Variants in NTRK2 observed in about 807,000 individuals in gnomAD.
NTRK2 encodes BDNF/NT-3 growth factors receptor.
In NTRK2, 13 loss-of-function variants were observed where a neutral mutation model predicts 94.5. The observed-to-expected ratio is 0.14, with a 90% CI of 0.09 to 0.22. The LOEUF (loss-of-function observed/expected upper bound fraction) is 0.22, where lower values mean the gene tolerates loss of function less well. Ranked by LOEUF, NTRK2 falls within the 10% of genes least tolerant of loss-of-function variation. NTRK2 has a pLI of 1.00. For missense variants in NTRK2, 639 were observed against 1,071.2 expected (o/e 0.60, Z 5.63); for synonymous variants, 372 against 407.4 (o/e 0.91, Z 1.05).
chr9:84,901,777 C>T (rs2076937052), intron 14 of NTRK2, among the ~76,000 whole-genome samples: 2 of 152,182 alleles, frequency 1.3e-5, no homozygotes, highest in Admixed American at 6.5e-5. Context: ...CTGGCTTCTT[C>T]TCCATGTATG....
rs1203135434 is a variant in NTRK2, at chr9:85,025,500, A to G, written c.*4063A>G. On this transcript the variant is annotated 3_prime_UTR_variant, in exon 19 of 19. Transcript: ENST00000277120. ...ACATCCTAGAGTGAATGCACCAACT[A>G]ACAGTATAGAATGCTGTCCTTTTCA... The G allele has an allele frequency of 1.7e-5, 4 of 233,150 alleles. No individual in the cohort carries two copies. The highest frequency in any genetic ancestry group is 2.5e-5 in the Non-Finnish European group (3 of 118,020). 14.4% of individuals were successfully genotyped at this position (233,150 alleles called of 1,614,324 possible). A position where few individuals can be genotyped will look rare whatever the true frequency, so the allele number is the denominator to read the frequency against.
At chr9:84,938,777 G>C (rs2078295702) in intron 15 of NTRK2, among the ~76,000 whole-genome samples, 3 of 152,122 alleles carry the variant, frequency 2.0e-5, no homozygotes, top group Non-Finnish European at 4.4e-5. Context: ...TGCACCAGGT[G>C]TGGTGGCTCA....
intron 16 of NTRK2, among the ~76,000 whole-genome samples, chr9:84,950,588 T>C (rs1036636920): frequency 4.1e-5 from 2 of 48,632 alleles, no homozygotes; most frequent in African/African-American, 1.2e-4. Context: ...CTGGGTCTAA[T>C]ATGTTTTTTT....
rs139657030 is a variant in NTRK2 at position 84,923,359 on chromosome 9, C to T, written c.1634-10803C>T. ...CACTGTTATCGCTGTTTACCACATT[C>T]TGATTGTGTTATTGTCATTGATATA... is the stretch of plus-strand genomic sequence containing the variant. On this transcript the variant is annotated intron_variant, in intron 14 of 18. Coordinates refer to ENST00000277120, the MANE Select transcript of NTRK2 (RefSeq NM_006180.6). 3.7e-3 allele frequency among the ~76,000 whole-genome samples: 571 copies of T among 152,312 alleles called. 4 individuals are homozygous for T. Among genetic ancestry groups the T allele is most frequent in the Admixed American group, 0.013 (198 of 15,304 alleles).
chr9:84,922,117 G>A (rs776088250), intron 14 of NTRK2, among the ~76,000 whole-genome samples: 6 of 152,122 alleles, frequency 3.9e-5, no homozygotes, highest in Non-Finnish European at 5.9e-5. Flanking sequence ...ATATTGGTTC[G>A]TTTTTGACCT....
chr9:84,988,711 C>A (rs1173242007), intron 17 of NTRK2, among the ~76,000 whole-genome samples: 1 of 152,190 alleles, frequency 6.6e-6, no homozygotes, highest in African/African-American at 2.4e-5. Context: ...TTATTTAGAT[C>A]AAGTGATGGC....
chr9:84,772,178 A>G (rs754787256), intron 12 of NTRK2, among the ~76,000 whole-genome samples: 16 of 152,322 alleles, frequency 1.1e-4, no homozygotes, highest in Non-Finnish European at 2.2e-4. Context: ...TTCATAAAGC[A>G]TACCTCAGAT....
intron 15 of NTRK2, among the ~76,000 whole-genome samples, chr9:84,947,969 G>A (rs555306458): frequency 1.3e-5 from 2 of 152,326 alleles, no homozygotes; most frequent in African/African-American, 4.8e-5. Context: ...CAGTGTTTGT[G>A]GGCACAGGCT....
intron 2 of NTRK2, among the ~76,000 whole-genome samples, chr9:84,701,322 T>C (rs1406145103): frequency 6.6e-6 from 1 of 152,320 alleles, no homozygotes; most frequent in Admixed American, 6.5e-5. Flanking sequence ...GCAGAAAATT[T>C]CCCCATGGAA....
chr9:85,013,559 A>G (rs538603087), intron 17 of NTRK2, among the ~76,000 whole-genome samples: 12 of 152,290 alleles, frequency 7.9e-5, no homozygotes, highest in Non-Finnish European at 1.8e-4. Flanking sequence ...CTGGCCTCCC[A>G]AAGTGCTGGG....
At chr9:84,777,064 C>A (rs2067119144) in intron 12 of NTRK2, among the ~76,000 whole-genome samples, 1 of 152,052 alleles carries the variant, frequency 6.6e-6, no homozygotes, top group African/African-American at 2.4e-5. Flanking sequence ...TTCCTAATAC[C>A]TAGATTGTAC....
At chr9:84,677,215 C>T (rs541618366) in intron 2 of NTRK2, among the ~76,000 whole-genome samples, 1 of 152,228 alleles carries the variant, frequency 6.6e-6, no homozygotes, top group East Asian at 1.9e-4. Flanking sequence ...AACCCGCAGC[C>T]CTTTCGATGA....
intron 12 of NTRK2, among the ~76,000 whole-genome samples, chr9:84,758,915 G>A (rs1247946916): frequency 2.0e-5 from 3 of 152,138 alleles, no homozygotes; most frequent in South Asian, 2.1e-4. Flanking sequence ...AACTTTGCCA[G>A]TTCTTTCTTA....
At position 85,021,774 on chromosome 9, in the gene NTRK2, A is replaced by G. The variant is rs1438813010; in HGVS notation, c.*337A>G. The G allele has an allele frequency of 1.2e-5, 5 of 405,810 alleles. No individual in the cohort carries two copies. Among genetic ancestry groups the G allele is most frequent in the African/African-American group, 1.0e-4 (5 of 49,786 alleles). The allele number at this position is 405,810 out of a possible 1,614,324, so 25.1% of individuals were successfully genotyped here. ...GAATCAATCTGGCTTCTGCATTACT[A>G]TTAACTCTGCATAGACAAAGGCCTT... On this transcript the variant is annotated 3_prime_UTR_variant, in exon 19 of 19. Transcript: ENST00000277120.
At chr9:84,840,913 G>A (rs539636290) in intron 12 of NTRK2, among the ~76,000 whole-genome samples, 18 of 152,180 alleles carry the variant, frequency 1.2e-4, no homozygotes, top group East Asian at 3.9e-4. Flanking sequence ...GGCACCCAGC[G>A]CAGCTTCTTG....
chr9:84,836,697 A>G (rs1288457676), intron 12 of NTRK2, among the ~76,000 whole-genome samples: 1 of 148,632 alleles, frequency 6.7e-6, no homozygotes, highest in African/African-American at 2.5e-5. Context: ...AATGCTCACT[A>G]TGGTTCATAC....
At chr9:84,979,071 A>G (rs989882941) in intron 17 of NTRK2, among the ~76,000 whole-genome samples, 3 of 152,214 alleles carry the variant, frequency 2.0e-5, no homozygotes, top group African/African-American at 7.2e-5. Context: ...GATTCATGTT[A>G]TTTTCATGCC....
intron 14 of NTRK2, chr9:84,877,821 C>T: frequency 9.6e-7 from 1 of 1,046,002 alleles, no homozygotes; most frequent in Non-Finnish European, 1.2e-6. Flanking sequence ...AAAATGAGAT[C>T]TTTTGTACTG....
chr9:84,681,693 C>T (rs12685237), intron 2 of NTRK2, among the ~76,000 whole-genome samples: 40 of 152,262 alleles, frequency 2.6e-4, no homozygotes, highest in African/African-American at 9.1e-4. Flanking sequence ...GTCTTGTCCC[C>T]TCTCTGCCCA....
Sources: gnomAD v4.1 joint callset for allele counts (sites outside exome capture counted in the v4.1 genomes callset) on GRCh38, gnomAD v4.1.1 for gene constraint, MANE v1.5 for transcripts, NCBI Gene and HGNC (gene_info 2026-07-23, HGNC 2026-07-21) for gene names.